The following TACC2 variants were observed in gnomAD, a reference collection of about 807,000 sequenced individuals.
The protein encoded by TACC2 is transforming acidic coiled-coil-containing protein 2.
Under a neutral mutation model 227.3 loss-of-function variants are expected in TACC2, and 137 were observed. The ratio of observed to expected loss-of-function variants is 0.60; its 90% CI spans 0.52 to 0.69. TACC2 has a LOEUF of 0.69. Ranked by LOEUF, TACC2 falls within the 30% of genes least tolerant of loss-of-function variation. The probability of loss-of-function intolerance (pLI) is 0.00; values close to 1 mark genes in which losing one functional copy is unlikely to be tolerated. For synonymous variants in TACC2, 1,523 were observed against 1,487.5 expected, an observed-to-expected ratio of 1.02 and a Z score of -0.55; for missense variants, 3,470 against 3,694.4, an observed-to-expected ratio of 0.94 and a Z score of 1.57.
chr10:122,057,573 C>T (rs946216180), intron 3 of TACC2, among the ~76,000 whole-genome samples: 12 of 152,064 alleles, frequency 7.9e-5, no homozygotes, highest in Non-Finnish European at 1.3e-4. Flanking sequence ...GAGGCCGAGG[C>T]GGGCAGATCA....
intron 8 of TACC2, among the ~76,000 whole-genome samples, chr10:122,201,047 C>G (rs77988728): frequency 1.5e-4 from 22 of 144,002 alleles, no homozygotes; most frequent in East Asian, 8.2e-4. Context: ...CACCCGCCCA[C>G]AGTGGCCACA....
At chr10:122,121,710 T>C (rs1333100293) in intron 5 of TACC2, among the ~76,000 whole-genome samples, 1 of 128,450 alleles carries the variant, frequency 7.8e-6, no homozygotes, top group Non-Finnish European at 1.8e-5. Context: ...CTTCTGGGCC[T>C]GGGCCTCTTC....
intron 2 of TACC2, among the ~76,000 whole-genome samples, chr10:122,041,564 A>G (rs1169639616): frequency 1.3e-5 from 2 of 150,468 alleles, no homozygotes; most frequent in Non-Finnish European, 2.9e-5. Context: ...CTCCTGTTTC[A>G]GCCTCCTGAG....
At chr10:122,110,316 T>C (rs781112357) in intron 5 of TACC2, among the ~76,000 whole-genome samples, 13 of 152,152 alleles carry the variant, frequency 8.5e-5, no homozygotes, top group African/African-American at 1.2e-4. Flanking sequence ...ATTACTGCAT[T>C]GTTACCCTGA....
chr10:122,020,969 T>A (rs1957260624), intron 1 of TACC2, among the ~76,000 whole-genome samples: 1 of 152,108 alleles, frequency 6.6e-6, no homozygotes, highest in Non-Finnish European at 1.5e-5. Flanking sequence ...CGGTGGCTCA[T>A]GCCTGTAATC....
chr10:122,081,527 C>CA (rs374512156), intron 3 of TACC2, among the ~76,000 whole-genome samples: 71,507 of 109,398 alleles, frequency 0.65, 22,604 homozygotes, highest in East Asian at 0.8. Flanking sequence ...GACTCCGTCT[C>CA]AAAAAAAAAA....
chr10:122,094,737 G>A lies in TACC2; in HGVS notation c.5573+6146G>A, dbSNP rs183970514. On this transcript the variant is annotated intron_variant, in intron 5 of 22. Coordinates refer to ENST00000369005, the MANE Select transcript of TACC2 (RefSeq NM_206862.4). ...TCCAGAGCTTGGGAGCCTCTCTGCCGCTTGTCCCCTGTTCATGCTGCACTT... is the reference window on the plus strand; with the variant it reads ...TCCAGAGCTTGGGAGCCTCTCTGCCACTTGTCCCCTGTTCATGCTGCACTT... 2.0e-5 allele frequency among the ~76,000 whole-genome samples: 3 copies of A among 152,274 alleles called. No individual in the cohort carries two copies. In the East Asian group the frequency reaches 5.8e-4, roughly 29 times the overall value.
intron 7 of TACC2, among the ~76,000 whole-genome samples, chr10:122,154,281 T>C (rs2092314675): frequency 6.6e-6 from 1 of 152,226 alleles, no homozygotes; most frequent in Non-Finnish European, 1.5e-5. Context: ...AGCCGTCCCA[T>C]ACTGGGGCAT....
At chr10:122,231,308 C>T (rs1007203157) in intron 16 of TACC2, among the ~76,000 whole-genome samples, 2 of 152,090 alleles carry the variant, frequency 1.3e-5, no homozygotes, top group Non-Finnish European at 2.9e-5. Context: ...CCTCACCCCA[C>T]CCCAAGTTGG....
At chr10:122,237,610 C>A in intron 17 of TACC2, 72 bp downstream of exon 17, 1 of 1,544,180 alleles carries the variant, frequency 6.5e-7, no homozygotes. Context: ...TCCACAAAGC[C>A]AGAGTCTTTG....
intron 5 of TACC2, among the ~76,000 whole-genome samples, chr10:122,105,624 C>CTTT (rs10700461): frequency 0.42 from 61,071 of 144,238 alleles, 13,592 homozygotes; most frequent in South Asian, 0.53. Context: ...GTCTTAAACA[C>CTTT]TTTTTTTTTT....
chr10:122,009,319 C>T (rs1039826766), intron 1 of TACC2, among the ~76,000 whole-genome samples: 4 of 152,102 alleles, frequency 2.6e-5, no homozygotes, highest in Admixed American at 2.0e-4. Context: ...TTTTCAGTTA[C>T]CACAAAAGCT....
chr10:122,101,552 T>G (rs1046974720), intron 5 of TACC2, among the ~76,000 whole-genome samples: 1 of 2,084 alleles, frequency 4.8e-4, no homozygotes, highest in South Asian at 0.038. Context: ...AAACCCCATC[T>G]TTTTTTTTTT....
intron 22 of TACC2, among the ~76,000 whole-genome samples, chr10:122,251,860 A>G (rs2096261692): frequency 6.6e-6 from 1 of 152,204 alleles, no homozygotes. Context: ...TTTAAATTGC[A>G]TTATCTTAAA....
At chr10:122,239,250 C>A (rs1402424546) in intron 18 of TACC2, among the ~76,000 whole-genome samples, 1 of 152,206 alleles carries the variant, frequency 6.6e-6, no homozygotes, top group East Asian at 1.9e-4. Context: ...CTTAGGTGAT[C>A]TGCCTGCCTT....
rs538993460 is a variant in TACC2, at chr10:122,177,573, T to C, written c.5835-17467T>C. On this transcript the variant is annotated intron_variant, in intron 7 of 22. Transcript: ENST00000369005. ...CCAGCCTGGGTAACATAGTGAGACC[T>C]GTCTCTAAAATAATAAAATGATGGC... Among the ~76,000 whole-genome samples the C allele has an allele frequency of 3.9e-5, 6 of 152,168 alleles. No homozygotes were observed. In the East Asian group the frequency reaches 9.7e-4, roughly 25 times the overall value.
Position 122,083,364 on chromosome 10 carries a change from A to C in TACC2, c.864A>C (p.Arg288Ser). 1 of 1,613,956 alleles carries C rather than the reference A, an allele frequency of 6.2e-7. No individual in the cohort carries two copies. The highest frequency in any genetic ancestry group is 8.5e-7 in the Non-Finnish European group (1 of 1,180,016). The change falls in exon 4 of 23, where the codon AGA (arginine) becomes AGC (serine). Residue 288 changes from arginine (R) to serine (S), a missense_variant. Around this residue, in one of 10 missense-constraint regions of TACC2, gnomAD observed 405 missense variants for 389.6 expected, o/e 1.04. Transcript: ENST00000369005. ...PQDPAPRASD[R>S]ERGQGEAPPQ... Reference sequence around the variant, plus strand: ...ATCCAGCCCCAAGAGCCTCAGACAGAGAAAGAGGCCAAGGGGAGGCGCCGC... The same window carrying C: ...ATCCAGCCCCAAGAGCCTCAGACAGCGAAAGAGGCCAAGGGGAGGCGCCGC...
At chr10:122,055,578 G>T (rs1172781604) in intron 3 of TACC2, among the ~76,000 whole-genome samples, 1 of 152,158 alleles carries the variant, frequency 6.6e-6, no homozygotes, top group Non-Finnish European at 1.5e-5. Flanking sequence ...GCTGGGAGGA[G>T]GCACAGGATC....
Position 122,085,882 on chromosome 10 carries a change from G to A in TACC2, c.3382G>A (p.Gly1128Arg), listed in dbSNP as rs377358487. 23 of 1,613,142 alleles carry A rather than the reference G, an allele frequency of 1.4e-5. No individual in the cohort carries two copies. The highest frequency in any genetic ancestry group is 2.2e-5 in the East Asian group (1 of 44,876). The change falls in exon 4 of 23, where the codon GGG (glycine) becomes AGG (arginine). Residue 1128 changes from glycine to arginine, a missense_variant. Around this residue, in one of 10 missense-constraint regions of TACC2, gnomAD observed 1,924 missense variants for 1,978.3 expected, o/e 0.97. Transcript: ENST00000369005. Reference protein sequence around the residue: ...PSAGEQGGEAGAAETGGSAGA... With the variant: ...PSAGEQGGEARAAETGGSAGA... The stretch of plus-strand genomic sequence containing the variant: ...AGCTGGGGAGCAAGGTGGTGAAGCC[G>A]GGGCTGCTGAGACTGGTGGCAGCGC...
Sources: gnomAD v4.1 joint callset for allele counts (sites outside exome capture counted in the v4.1 genomes callset) on GRCh38, gnomAD v4.1.1 for gene constraint, gnomAD v4.1.1 regional missense constraint, MANE v1.5 for transcripts, NCBI Gene and HGNC (gene_info 2026-07-23, HGNC 2026-07-21) for gene names.